The following RNF220 variants were observed in gnomAD, a reference collection of about 807,000 sequenced individuals.
RNF220 encodes the protein E3 ubiquitin-protein ligase RNF220.
In RNF220, 7 loss-of-function variants were observed where a neutral mutation model predicts 67.1. That is an observed-to-expected ratio of 0.10 (90% confidence interval 0.06 to 0.20). The LOEUF (loss-of-function observed/expected upper bound fraction) is 0.20, where lower values mean the gene tolerates loss of function less well. RNF220 is among the 10% of genes least tolerant of loss of function. The pLI is 1.00. For synonymous variants in RNF220, 270 were observed against 283.2 expected (o/e 0.95, Z 0.47); for missense variants, 565 against 740.3 (o/e 0.76, Z 2.75).
chr1:44,431,826 C>A (rs530066568), intron 2 of RNF220, among the ~76,000 whole-genome samples: 1 of 152,340 alleles, frequency 6.6e-6, no homozygotes, highest in East Asian at 1.9e-4. Flanking sequence ...GATATGTGCT[C>A]ATTGATCCTG....
At chr1:44,495,378 T>C (rs892092539) in intron 2 of RNF220, among the ~76,000 whole-genome samples, 7 of 152,222 alleles carry the variant, frequency 4.6e-5, no homozygotes, top group Non-Finnish European at 8.8e-5. Flanking sequence ...GCACGAAGGT[T>C]ACAGCAAGAT....
chr1:44,565,758 C>G lies in RNF220; in HGVS notation c.626-48407C>G, dbSNP rs944361930. Among the ~76,000 whole-genome samples the G allele has an allele frequency of 3.3e-5, 5 of 152,276 alleles. No individual in the cohort carries two copies. The South Asian group carries it at 6.2e-4, about 19-fold the overall frequency. On this transcript the variant is annotated intron_variant, in intron 2 of 14. Coordinates refer to ENST00000361799, the MANE Select transcript of RNF220 (RefSeq NM_018150.4). The surrounding 1 kb of genome is among the most constrained non-coding windows in gnomAD (Gnocchi z 4.2). ...TGCTGGAAGATCTGTGAACCACTGCCTTCCCTGCCCCTCCCTGGGTGCCAA... is the reference window on the plus strand; with the variant it reads ...TGCTGGAAGATCTGTGAACCACTGCGTTCCCTGCCCCTCCCTGGGTGCCAA...
At chr1:44,573,716 A>G (rs548193821) in intron 2 of RNF220, among the ~76,000 whole-genome samples, 1 of 152,382 alleles carries the variant, frequency 6.6e-6, no homozygotes, top group East Asian at 1.9e-4. Context: ...TGTCTCCAAC[A>G]GGACAAAAAA....
chr1:44,558,939 T>C (rs61351118), intron 2 of RNF220, among the ~76,000 whole-genome samples: 6,064 of 152,332 alleles, frequency 0.04, 244 homozygotes, highest in East Asian at 0.16. Flanking sequence ...TGCATTCCCA[T>C]AAAGCCAGTT....
intron 2 of RNF220, among the ~76,000 whole-genome samples, chr1:44,569,689 C>T (rs1338833167): frequency 6.6e-6 from 1 of 152,138 alleles, no homozygotes; most frequent in Non-Finnish European, 1.5e-5. Context: ...AGGATCTCTA[C>T]ACTACCTGCT....
intron 2 of RNF220, among the ~76,000 whole-genome samples, chr1:44,467,226 T>G (rs1654354970): frequency 6.6e-6 from 1 of 152,212 alleles, no homozygotes; most frequent in Non-Finnish European, 1.5e-5. Flanking sequence ...CCTCTTTTCT[T>G]TTGAGATGGA....
intron 2 of RNF220, among the ~76,000 whole-genome samples, chr1:44,455,593 G>T (rs969660100): frequency 6.6e-6 from 1 of 152,144 alleles, no homozygotes; most frequent in East Asian, 1.9e-4. Context: ...TTTTAAGTAG[G>T]TTATAAGAAA....
At chr1:44,517,992 A>G (rs1659588439) in intron 2 of RNF220, among the ~76,000 whole-genome samples, 1 of 152,192 alleles carries the variant, frequency 6.6e-6, no homozygotes, top group Non-Finnish European at 1.5e-5. Context: ...CTGTAATTCC[A>G]GCTACTTGGG....
In RNF220 at chr1:44,649,142, C is replaced by A; in HGVS notation, c.1446-519C>A. ...AGGGGTACGGCGGGCTGGGGCTGGA[C>A]CAAGGAGTGTAGTGGAGCTCTCTAC... On this transcript the variant is annotated intron_variant, in intron 12 of 14. Transcript: ENST00000361799. The surrounding 1 kb of genome is among the most constrained non-coding windows in gnomAD (Gnocchi z 5.9). 5.8e-6 allele frequency: 1 copy of A among 171,286 alleles called. No homozygotes were observed. The highest frequency in any genetic ancestry group is 5.6e-5 in the Admixed American group (1 of 17,872). The allele number at this position is 171,286 out of a possible 1,614,324, so 10.6% of individuals were successfully genotyped here.
intron 2 of RNF220, among the ~76,000 whole-genome samples, chr1:44,441,553 C>A (rs972317555): frequency 2.0e-5 from 3 of 152,106 alleles, no homozygotes; most frequent in African/African-American, 7.2e-5. Context: ...TGGAGATGAG[C>A]AATATTCTGA....
intron 2 of RNF220, among the ~76,000 whole-genome samples, chr1:44,456,091 C>T (rs1014480517): frequency 1.3e-4 from 20 of 152,136 alleles, no homozygotes; most frequent in Non-Finnish European, 1.2e-4. Context: ...GAGAAAGGCC[C>T]TAAGACCTTC....
At chr1:44,431,668 C>A (rs1650396698) in intron 2 of RNF220, among the ~76,000 whole-genome samples, 1 of 152,156 alleles carries the variant, frequency 6.6e-6, no homozygotes, top group Admixed American at 6.5e-5. Context: ...GCTAGAGCCA[C>A]ATAGGAGTGG....
chr1:44,474,361 C>T (rs1350163181), intron 2 of RNF220, among the ~76,000 whole-genome samples: 4 of 147,646 alleles, frequency 2.7e-5, no homozygotes, highest in African/African-American at 1.0e-4. Flanking sequence ...GGTGACAGAG[C>T]GAGACTCTGT....
At chr1:44,584,636 A>ATTGC (rs1236444683) in intron 2 of RNF220, among the ~76,000 whole-genome samples, 1 of 152,114 alleles carries the variant, frequency 6.6e-6, no homozygotes, top group African/African-American at 2.4e-5. Context: ...TAGCCCAAGA[A>ATTGC]TTGCTCCCCA....
At chr1:44,521,720 G>A (rs1659957055) in intron 2 of RNF220, among the ~76,000 whole-genome samples, 1 of 152,174 alleles carries the variant, frequency 6.6e-6, no homozygotes, top group South Asian at 2.1e-4. Flanking sequence ...GCAGATTCAT[G>A]TTTATTTCTG....
intron 2 of RNF220, among the ~76,000 whole-genome samples, chr1:44,547,821 T>G (rs12032873): frequency 0.023 from 3,517 of 152,206 alleles, 131 homozygotes; most frequent in East Asian, 0.2. Flanking sequence ...TCAGCGGTCA[T>G]TATTTCTGTT....
intron 2 of RNF220, among the ~76,000 whole-genome samples, chr1:44,466,211 T>C (rs1283847840): frequency 2.0e-5 from 3 of 152,252 alleles, no homozygotes; most frequent in Non-Finnish European, 4.4e-5. Context: ...CCACTTTGTT[T>C]GCTCATCCAT....
Position 44,650,059 on chromosome 1 carries a change from G to A in RNF220, c.1629+102G>A, listed in dbSNP as rs774439138. On this transcript the variant is annotated intron_variant, in intron 14 of 14. Transcript: ENST00000361799. This position sits in a 1 kb window ranked among gnomAD's most constrained non-coding sequence, Gnocchi z 4.3. Reference sequence around the variant, plus strand: ...GCCTGGGGGAAGTGGGGAGCATGGCGCAAAGGAGAACAGAGCCAGGAGCCA... The same window carrying A: ...GCCTGGGGGAAGTGGGGAGCATGGCACAAAGGAGAACAGAGCCAGGAGCCA... 49 of 1,256,670 alleles carry A rather than the reference G, an allele frequency of 3.9e-5. No homozygotes were observed. Among genetic ancestry groups the A allele is most frequent in the Non-Finnish European group, 4.6e-5 (41 of 887,216 alleles). The allele number at this position is 1,256,670 out of a possible 1,614,324, so 77.8% of individuals were successfully genotyped here. A position where few individuals can be genotyped will look rare whatever the true frequency, so the allele number is the denominator to read the frequency against.
chr1:44,644,488 G>A (rs1431971360), intron 8 of RNF220: 1 of 555,616 alleles, frequency 1.8e-6, no homozygotes, highest in East Asian at 3.0e-5. Context: ...GGAGCAGCAT[G>A]CAGTAGCAGA....
Sources: allele counts gnomAD v4.1 joint callset (sites outside exome capture counted in the v4.1 genomes callset), GRCh38; gene constraint gnomAD v4.1.1; non-coding constraint Gnocchi (gnomAD v3.1); transcripts MANE v1.5; gene names NCBI Gene and HGNC (gene_info 2026-07-23, HGNC 2026-07-21).